The following CDC42BPA variants were observed in gnomAD, a reference collection of about 807,000 sequenced individuals.
CDC42BPA encodes the protein CDC42 binding protein kinase alpha.
A neutral mutation model predicts 223.5 loss-of-function variants in CDC42BPA; 80 were observed. The ratio of observed to expected loss-of-function variants is 0.36; its 90% CI spans 0.30 to 0.43. The LOEUF (loss-of-function observed/expected upper bound fraction) is 0.43, where lower values mean the gene tolerates loss of function less well. Ranked by LOEUF, CDC42BPA falls within the 20% of genes least tolerant of loss-of-function variation. The pLI, the probability that CDC42BPA is intolerant of heterozygous loss-of-function variation, is 1.00. For missense variants in CDC42BPA, 1,743 were observed against 2,099.9 expected, an observed-to-expected ratio of 0.83 and a Z score of 3.32; for synonymous variants, 694 against 718.6, an observed-to-expected ratio of 0.97 and a Z score of 0.55.
At chr1:227,264,573 A>G (rs907697749) in intron 1 of CDC42BPA, among the ~76,000 whole-genome samples, 1 of 151,742 alleles carries the variant, frequency 6.6e-6, no homozygotes, top group African/African-American at 2.4e-5. Flanking sequence ...GTTGGAGTGG[A>G]GAGAAACAAG....
intron 12 of CDC42BPA, among the ~76,000 whole-genome samples, chr1:227,114,988 C>CAAT (rs1687543519): frequency 6.6e-6 from 1 of 151,944 alleles, no homozygotes; most frequent in African/African-American, 2.4e-5. Context: ...AAAATGTCAA[C>CAAT]AACAACAACA....
chr1:227,073,822 A>G, intron 19 of CDC42BPA, 42 bp downstream of exon 19: 1 of 1,423,684 alleles, frequency 7.0e-7, no homozygotes, highest in Non-Finnish European at 9.5e-7. Context: ...ATTATGACAA[A>G]CTTAGAAATT....
At position 226,994,152 on chromosome 1, in the gene CDC42BPA, T is replaced by G. The variant is rs1013205564; in HGVS notation, c.*116A>C. The stretch of plus-strand genomic sequence containing the variant: ...AACTCCTGAATCCCTGTCCTGCTAC[T>G]GCTGCCAGCCCCTGGTGGCTTTCAG... On this transcript the variant is annotated 3_prime_UTR_variant, in exon 37 of 37. Coordinates refer to ENST00000366766, the MANE Select transcript of CDC42BPA (RefSeq NM_001394014.1). The surrounding 1 kb of genome is among the most constrained non-coding windows in gnomAD (Gnocchi z 4.0). 1.2e-5 allele frequency: 12 copies of G among 967,444 alleles called. No homozygotes were observed. The South Asian group carries it at 1.6e-4, about 13-fold the overall frequency. 59.9% of individuals were successfully genotyped at this position (967,444 alleles called of 1,614,324 possible).
chr1:227,089,637 T>TTTG (rs1553333574), intron 16 of CDC42BPA, among the ~76,000 whole-genome samples: 2 of 144,966 alleles, frequency 1.4e-5, no homozygotes, highest in Non-Finnish European at 3.0e-5. Flanking sequence ...GTTTTTTTTT[T>TTTG]TTTTTTTTTT....
At position 227,302,203 on chromosome 1, in the gene CDC42BPA, T is replaced by G. The variant is rs140550455; in HGVS notation, c.178+14802A>C. 3.7e-3 allele frequency among the ~76,000 whole-genome samples: 563 copies of G among 152,308 alleles called. 3 individuals are homozygous for G. The highest frequency in any genetic ancestry group is 0.013 in the African/African-American group (544 of 41,566). ...CTGTTACTTCCTCATCTTCATTCAC[T>G]CCTTTACCTAGTTGCAGCTAAGGCA... On this transcript the variant is annotated intron_variant, in intron 1 of 36. Coordinates refer to ENST00000366766, the MANE Select transcript of CDC42BPA (RefSeq NM_001394014.1).
rs554783187 is a variant in CDC42BPA, at chr1:227,032,931, G to T, written c.3558+403C>A. Among the ~76,000 whole-genome samples, 4 of 152,332 alleles carry T rather than the reference G, an allele frequency of 2.6e-5. No individual in the cohort carries two copies. In the East Asian group the frequency reaches 7.7e-4, roughly 29 times the overall value. On this transcript the variant is annotated intron_variant, in intron 27 of 36. Transcript: ENST00000366766. Reference sequence around the variant, plus strand: ...AGTGAAAAATAGTAAATCACTGTTGGTTTAAGCTACTAAGTTTTGGAATGG... The same window carrying T: ...AGTGAAAAATAGTAAATCACTGTTGTTTTAAGCTACTAAGTTTTGGAATGG...
intron 1 of CDC42BPA, among the ~76,000 whole-genome samples, chr1:227,285,314 A>G (rs1688643582): frequency 6.6e-6 from 1 of 152,204 alleles, no homozygotes; most frequent in Admixed American, 6.5e-5. Flanking sequence ...AGTGAGTAGC[A>G]ATCATATATT....
chr1:227,060,726 T>G (rs1325179507), intron 21 of CDC42BPA, among the ~76,000 whole-genome samples: 1 of 141,484 alleles, frequency 7.1e-6, no homozygotes, highest in African/African-American at 2.6e-5. Context: ...ACTTTTTTTT[T>G]TTTTTTTTTT....
At chr1:227,075,038 A>G (rs1679173856) in intron 17 of CDC42BPA, among the ~76,000 whole-genome samples, 1 of 152,208 alleles carries the variant, frequency 6.6e-6, no homozygotes, top group South Asian at 2.1e-4. Context: ...CATTTCTTAC[A>G]CTTCCCTCAA....
At chr1:227,021,400 G>A (rs965309939) in intron 32 of CDC42BPA, among the ~76,000 whole-genome samples, 5 of 152,052 alleles carry the variant, frequency 3.3e-5, no homozygotes, top group African/African-American at 4.8e-5. Context: ...TTAACTTCAC[G>A]GGGTATCCAT....
intron 17 of CDC42BPA, among the ~76,000 whole-genome samples, chr1:227,078,690 C>T (rs1041836981): frequency 3.3e-5 from 5 of 152,052 alleles, no homozygotes; most frequent in Non-Finnish European, 7.4e-5. Context: ...GAAGTGACTT[C>T]GTAAAAGGTT....
chr1:227,114,093 C>T (rs958495877), intron 12 of CDC42BPA, among the ~76,000 whole-genome samples: 2 of 151,616 alleles, frequency 1.3e-5, no homozygotes, highest in African/African-American at 4.8e-5. Flanking sequence ...CCACAGGAAG[C>T]TCTACATTTA....
intron 5 of CDC42BPA, among the ~76,000 whole-genome samples, chr1:227,162,433 A>AT (rs1410095968): frequency 6.6e-6 from 1 of 152,202 alleles, no homozygotes; most frequent in East Asian, 1.9e-4. Context: ...TATTATGCCT[A>AT]TATACAACAT....
intron 16 of CDC42BPA, among the ~76,000 whole-genome samples, chr1:227,090,019 T>C (rs1461224478): frequency 6.6e-6 from 1 of 151,958 alleles, no homozygotes; most frequent in Non-Finnish European, 1.5e-5. Context: ...ATAACAATTA[T>C]TGACCTGCTT....
chr1:227,293,316 CACCT>C (rs1690022766), intron 1 of CDC42BPA, among the ~76,000 whole-genome samples: 1 of 152,088 alleles, frequency 6.6e-6, no homozygotes, highest in Non-Finnish European at 1.5e-5. Context: ...TATTCTTAAT[CACCT>C]TTTAACACTT....
At chr1:227,106,618 G>C (rs1280678799) in intron 14 of CDC42BPA, among the ~76,000 whole-genome samples, 1 of 152,082 alleles carries the variant, frequency 6.6e-6, no homozygotes, top group African/African-American at 2.4e-5. Flanking sequence ...GTTTGAGAAG[G>C]ATTGGTGTTA....
At chr1:227,035,803 A>T (rs920872462) in intron 24 of CDC42BPA, among the ~76,000 whole-genome samples, 196 bp from the exon 25 acceptor site, 1 of 152,204 alleles carries the variant, frequency 6.6e-6, no homozygotes, top group East Asian at 1.9e-4. Context: ...GTAAATATTT[A>T]AAAAATTACT....
intron 1 of CDC42BPA, among the ~76,000 whole-genome samples, chr1:227,315,722 T>C (rs1036178110): frequency 2.0e-5 from 3 of 152,310 alleles, no homozygotes; most frequent in South Asian, 2.1e-4. Flanking sequence ...GTCTCACTCT[T>C]AAGTGAGAAG....
intron 35 of CDC42BPA, among the ~76,000 whole-genome samples, chr1:227,002,979 T>A (rs1663183467): frequency 6.6e-6 from 1 of 152,184 alleles, no homozygotes; most frequent in African/African-American, 2.4e-5. Context: ...AGATAATAAA[T>A]GTTTGCTATT....
Sources: allele counts gnomAD v4.1 joint callset (sites outside exome capture counted in the v4.1 genomes callset), GRCh38; gene constraint gnomAD v4.1.1; non-coding constraint Gnocchi (gnomAD v3.1); transcripts MANE v1.5; gene names NCBI Gene and HGNC (gene_info 2026-07-23, HGNC 2026-07-21).